Variants in TOP2B observed in about 807,000 individuals in gnomAD.
The protein encoded by TOP2B is DNA topoisomerase 2-beta.
In TOP2B, 51 loss-of-function variants were observed where a neutral mutation model predicts 193.5. The observed-to-expected ratio is 0.26, with a 90% confidence interval of 0.21 to 0.33. The LOEUF (loss-of-function observed/expected upper bound fraction) is 0.33. Ranked by LOEUF, TOP2B falls within the 10% of genes least tolerant of loss-of-function variation. The pLI is 1.00. For missense variants in TOP2B, 1,378 were observed against 1,909.3 expected, an observed-to-expected ratio of 0.72 and a Z score of 5.19; for synonymous variants, 634 against 635.7, an observed-to-expected ratio of 1.00 and a Z score of 0.04.
intron 21 of TOP2B, among the ~76,000 whole-genome samples, chr3:25,621,804 C>G (rs976365754): frequency 1.3e-5 from 2 of 152,012 alleles, no homozygotes; most frequent in African/African-American, 4.8e-5. Flanking sequence ...GCCTGGCCAA[C>G]ACAGTGAAAC....
chr3:25,625,582 T>A (rs1702774066), intron 18 of TOP2B, among the ~76,000 whole-genome samples: 1 of 152,202 alleles, frequency 6.6e-6, no homozygotes, highest in East Asian at 1.9e-4. Context: ...TTTTTTGCAA[T>A]TATTTTTGTT....
intron 4 of TOP2B, among the ~76,000 whole-genome samples, chr3:25,638,624 T>G (rs1250867281): frequency 6.6e-6 from 1 of 151,802 alleles, no homozygotes; most frequent in African/African-American, 2.4e-5. Context: ...AGAAAACCTT[T>G]AAAAAAGGTT....
chr3:25,648,537 G>C (rs1458924430), intron 1 of TOP2B, among the ~76,000 whole-genome samples: 2 of 152,106 alleles, frequency 1.3e-5, no homozygotes, highest in East Asian at 3.8e-4. Context: ...CAAAGAAACA[G>C]GGAAATACAG....
At chr3:25,622,199 C>T (rs1410957398) in intron 21 of TOP2B, among the ~76,000 whole-genome samples, 2 of 152,092 alleles carry the variant, frequency 1.3e-5, no homozygotes, top group Admixed American at 1.3e-4. Context: ...ATAGTAGGCA[C>T]ATAAGAACCA....
chr3:25,664,346 G>C lies in TOP2B; in HGVS notation c.-49C>G. On this transcript the variant is annotated 5_prime_UTR_variant, in exon 1 of 36. Transcript: ENST00000264331. ...CCCTGAGGCCGCAGCCGCCGCTCCC[G>C]CCTCCCTGCGGGCCGCTGGGCCCCG... The C allele has an allele frequency of 7.0e-7, 1 of 1,419,098 alleles. No homozygotes were observed. Among genetic ancestry groups the C allele is most frequent in the African/African-American group, 1.5e-5 (1 of 66,504 alleles). 87.9% of individuals were successfully genotyped at this position (1,419,098 alleles called of 1,614,324 possible). A position where few individuals can be genotyped will look rare whatever the true frequency, so the allele number is the denominator to read the frequency against.
chr3:25,664,355 C>A lies in TOP2B; in HGVS notation c.-58G>T, dbSNP rs1291062942. Reference sequence around the variant, plus strand: ...CGCAGCCGCCGCTCCCGCCTCCCTGCGGGCCGCTGGGCCCCGCCGCTCCGC... The same window carrying A: ...CGCAGCCGCCGCTCCCGCCTCCCTGAGGGCCGCTGGGCCCCGCCGCTCCGC... On this transcript the variant is annotated 5_prime_UTR_variant, in exon 1 of 36. Coordinates refer to ENST00000264331, the MANE Select transcript of TOP2B (RefSeq NM_001330700.2). 2 of 1,400,218 alleles carry A rather than the reference C, an allele frequency of 1.4e-6. No individual in the cohort carries two copies. Among genetic ancestry groups the A allele is most frequent in the South Asian group, 1.6e-5 (1 of 63,172 alleles). 86.7% of individuals were successfully genotyped at this position (1,400,218 alleles called of 1,614,324 possible).
chr3:25,628,374 G>T (rs1702866383), intron 15 of TOP2B, among the ~76,000 whole-genome samples: 1 of 151,680 alleles, frequency 6.6e-6, no homozygotes, highest in Non-Finnish European at 1.5e-5. Flanking sequence ...ACTTGCGGGG[G>T]CTGAGGCAAG....
At chr3:25,609,772 G>A in intron 28 of TOP2B, 60 bp from the exon 29 acceptor site, 2 of 1,405,812 alleles carry the variant, frequency 1.4e-6, no homozygotes, top group Non-Finnish European at 1.9e-6. Flanking sequence ...ATATTTTAGA[G>A]ATAGTTTCAA....
At chr3:25,656,463 AAAAC>A (rs869298179) in intron 1 of TOP2B, among the ~76,000 whole-genome samples, 94 of 152,254 alleles carry the variant, frequency 6.2e-4, no homozygotes, top group African/African-American at 1.7e-3. Flanking sequence ...AAATAGATAA[AAAAC>A]AAACAAAAAT....
intron 4 of TOP2B, among the ~76,000 whole-genome samples, chr3:25,640,616 G>A (rs1703230457): frequency 6.6e-6 from 1 of 152,004 alleles, no homozygotes; most frequent in Non-Finnish European, 1.5e-5. Flanking sequence ...ATAAAATGAA[G>A]TGATAAAGGC....
intron 4 of TOP2B, among the ~76,000 whole-genome samples, chr3:25,642,072 G>A (rs1323613911): frequency 1.3e-5 from 2 of 152,092 alleles, no homozygotes; most frequent in African/African-American, 4.8e-5. Flanking sequence ...AAAAGATAGG[G>A]TGATTACCCT....
At chr3:25,607,425 T>C in intron 30 of TOP2B, 50 bp from the exon 31 acceptor site, 1 of 1,521,708 alleles carries the variant, frequency 6.6e-7, no homozygotes, top group Non-Finnish European at 8.9e-7. Context: ...TAGCTTTGTA[T>C]ACATGAATTA....
chr3:25,632,298 T>C, intron 10 of TOP2B, 148 bp downstream of exon 10: 1 of 680,086 alleles, frequency 1.5e-6, no homozygotes, highest in Non-Finnish European at 2.4e-6. Context: ...TTTAAAGTTA[T>C]CAAATTAAGC....
intron 18 of TOP2B, 77 bp from the exon 19 acceptor site, chr3:25,624,880 C>T: frequency 1.2e-5 from 17 of 1,436,570 alleles, no homozygotes; most frequent in Non-Finnish European, 1.6e-5. Context: ...AGCAAAGATA[C>T]AATTTGCTTT....
At chr3:25,637,485 A>C (rs899013354) in intron 5 of TOP2B, among the ~76,000 whole-genome samples, 173 bp from the exon 6 acceptor site, 5 of 152,084 alleles carry the variant, frequency 3.3e-5, no homozygotes, top group Admixed American at 3.3e-4. Flanking sequence ...AGAAAAATAC[A>C]ATTAAGATTT....
intron 33 of TOP2B, among the ~76,000 whole-genome samples, chr3:25,602,154 G>A (rs1013186741): frequency 2.6e-5 from 4 of 152,098 alleles, no homozygotes; most frequent in African/African-American, 9.7e-5. Context: ...CCAGAACTTT[G>A]GGAGGCCAAG....
intron 29 of TOP2B, 63 bp downstream of exon 29, chr3:25,609,505 T>C (rs1702316198): frequency 6.5e-7 from 1 of 1,537,144 alleles, no homozygotes; most frequent in Non-Finnish European, 8.7e-7. Context: ...CAAAAGAATC[T>C]AGTAATACTC....
intron 4 of TOP2B, among the ~76,000 whole-genome samples, chr3:25,640,633 A>G (rs1003721444): frequency 9.9e-5 from 15 of 152,166 alleles, no homozygotes; most frequent in Non-Finnish European, 1.8e-4. Flanking sequence ...AGGCACTAGA[A>G]TTACTAGAAT....
chr3:25,615,634 T>C, intron 25 of TOP2B, 48 bp from the exon 26 acceptor site: 1 of 1,321,880 alleles, frequency 7.6e-7, no homozygotes, highest in Non-Finnish European at 9.8e-7. Context: ...TAGTATCAAA[T>C]TAATGTTGAA....
Sources: allele counts gnomAD v4.1 joint callset (sites outside exome capture counted in the v4.1 genomes callset), GRCh38; gene constraint gnomAD v4.1.1; transcripts MANE v1.5; gene names NCBI Gene and HGNC (gene_info 2026-07-23, HGNC 2026-07-21).